ZP2: variants seen among roughly 807,000 people sequenced by gnomAD.
The protein encoded by ZP2 is zona pellucida sperm-binding protein 2.
Under a neutral mutation model 84.0 loss-of-function variants are expected in ZP2, and 51 were observed. That is an observed-to-expected ratio of 0.61 (90% CI 0.49 to 0.77). ZP2 has a LOEUF of 0.77. Ranked by LOEUF, ZP2 falls within the 30% of genes least tolerant of loss-of-function variation. The pLI is 0.00. For synonymous variants in ZP2, 375 were observed against 330.9 expected, an observed-to-expected ratio of 1.13 and a Z score of -1.45; for missense variants, 909 against 911.9, an observed-to-expected ratio of 1.00 and a Z score of 0.04.
chr16:21,197,969 T>C (rs890358290), intron 17 of ZP2, 120 bp from the exon 18 acceptor site: 2 of 912,924 alleles, frequency 2.2e-6, no homozygotes, highest in Admixed American at 3.8e-5. Flanking sequence ...GGGTATGTGT[T>C]AACAGGCACA....
intron 1 of ZP2, 27 bp downstream of exon 1, chr16:21,211,459 C>A (rs575632349): frequency 5.0e-6 from 8 of 1,613,998 alleles, no homozygotes; most frequent in Admixed American, 1.7e-5. Flanking sequence ...TACCATACCC[C>A]CTCCCTCCAC....
At chr16:21,211,197 G>A (rs941919719) in intron 2 of ZP2, 110 bp downstream of exon 2, 15 of 886,076 alleles carry the variant, frequency 1.7e-5, no homozygotes, top group African/African-American at 1.7e-4. Context: ...GGTAATAAAG[G>A]GGGTGAATGG....
At position 21,201,452 on chromosome 16, in the gene ZP2, G is replaced by A. The variant is rs2093224762; in HGVS notation, c.1611C>T (p.Asn537=). Residue 537 remains asparagine, a synonymous_variant, in exon 14 of 19, where the codon AAC becomes AAT. Coordinates refer to ENST00000574091, the MANE Select transcript of ZP2 (RefSeq NM_001376232.1). ...EVRVLNRDDP[N]IKLVLDDCWA... is the part of the protein sequence containing the mutation. ...AGCAGTCATCTAAGACCAGCTTGAT[G>A]TTGGGGTCATCCCTGTTTAGGACTC... 6.2e-7 allele frequency: 1 copy of A among 1,613,702 alleles called. No individual in the cohort carries two copies. The highest frequency in any genetic ancestry group is 1.1e-5 in the South Asian group (1 of 90,926).
At position 21,206,355 on chromosome 16, in the gene ZP2, G is replaced by A. The variant is rs557017355; in HGVS notation, c.483+483C>T. On this transcript the variant is annotated intron_variant, in intron 5 of 18. Transcript: ENST00000574091. Reference sequence around the variant, plus strand: ...AATGTCCATAGAAATCAGGTACTATGTAAAAGCCATGCAGTTCTATCATTG... The same window carrying A: ...AATGTCCATAGAAATCAGGTACTATATAAAAGCCATGCAGTTCTATCATTG... Among the ~76,000 whole-genome samples, 4 of 152,278 alleles carry A rather than the reference G, an allele frequency of 2.6e-5. No homozygotes were observed. The East Asian group carries it at 5.8e-4, about 22-fold the overall frequency.
intron 17 of ZP2, 143 bp downstream of exon 17, chr16:21,198,636 C>T: frequency 1.5e-6 from 1 of 649,720 alleles, no homozygotes; most frequent in Non-Finnish European, 2.6e-6. Context: ...TTAATAGAAG[C>T]CTACTTCTGG....
chr16:21,198,480 C>A (rs1323376641), intron 17 of ZP2, among the ~76,000 whole-genome samples: 1 of 152,142 alleles, frequency 6.6e-6, no homozygotes, highest in Non-Finnish European at 1.5e-5. Context: ...AGGATCATGA[C>A]TAAGGTAGAG....
Position 21,205,471 on chromosome 16 carries a change from G to T in ZP2, c.642C>A (p.His214Gln). The T allele has an allele frequency of 6.2e-7, 1 of 1,614,106 alleles. No individual in the cohort carries two copies. ...KEGFSLLIDN[H>Q]RMTFHVPFNA... ...TGAATGGCACATGGAAGGTCATCCT[G>T]TGGTTGTCAATCAAGAGGCTGAAGC... The change falls in exon 7 of 19, where the codon CAC becomes CAA. Residue 214 changes from histidine to glutamine, a missense_variant. Physicochemically the swap from His to Gln is conservative, Grantham distance 24. Transcript: ENST00000574091.
In ZP2 at chr16:21,206,961, G is replaced by A. The variant is rs969695819; in HGVS notation, c.360C>T (p.Val120=). Residue 120 remains valine (V), a synonymous_variant, in exon 5 of 19, where the codon GTC becomes GTT. Transcript: ENST00000574091. Reference sequence around the variant, plus strand: ...GTCTTAAGGCAGCACTGTTGTTCATGACTCTGATGGTCATCTGGTGTCCAC... The same window carrying A: ...GTCTTAAGGCAGCACTGTTGTTCATAACTCTGATGGTCATCTGGTGTCCAC... The part of the protein sequence containing the change: ...VHGGHQMTIR[V]MNNSAALRHG... 6.2e-7 allele frequency: 1 copy of A among 1,614,010 alleles called. No individual in the cohort carries two copies. The highest frequency in any genetic ancestry group is 1.3e-5 in the African/African-American group (1 of 74,922).
upstream of ZP2, among the ~76,000 whole-genome samples, chr16:21,213,531 G>T (rs1369169413): frequency 6.6e-6 from 1 of 152,126 alleles, no homozygotes; most frequent in Non-Finnish European, 1.5e-5. Flanking sequence ...AGATTCCAGG[G>T]TCCCACCCAA....
Position 21,201,349 on chromosome 16 carries a change from ATAG to A in ZP2, c.1694+17_1694+19del. The A allele has an allele frequency of 6.6e-7, 1 of 1,520,346 alleles. No individual in the cohort carries two copies. 94.2% of individuals were successfully genotyped at this position (1,520,346 alleles called of 1,614,324 possible). A position where few individuals can be genotyped will look rare whatever the true frequency, so the allele number is the denominator to read the frequency against. On this transcript the variant is annotated intron_variant, in intron 14 of 18. Coordinates refer to ENST00000574091, the MANE Select transcript of ZP2 (RefSeq NM_001376232.1). ...TTTGATGGATTAGCTGGGTAACCTG[ATAG>A]TACAGGGAGTACCTACCCATCCACG...
intron 7 of ZP2, 43 bp from the exon 8 acceptor site, chr16:21,204,447 T>G: frequency 2.6e-6 from 4 of 1,520,420 alleles, no homozygotes; most frequent in Non-Finnish European, 3.6e-6. Context: ...CATTGGTTAC[T>G]TGAATCTCTA....
Position 21,207,368 on chromosome 16 carries a change from C to T in ZP2, c.331-378G>A, listed in dbSNP as rs117318769. Among the ~76,000 whole-genome samples, 330 of 152,238 alleles carry T rather than the reference C, an allele frequency of 2.2e-3. 9 individuals are homozygous for T. The East Asian group carries it at 0.056, about 26-fold the overall frequency. ...GAGCTACCCTTGCTATTACCCCTGA[C>T]CTTAGGAAACTCAGTCTAAAAGCAG... On this transcript the variant is annotated intron_variant, in intron 4 of 18. Transcript: ENST00000574091.
At chr16:21,197,910 C>A (rs1597581180) in intron 17 of ZP2, 61 bp from the exon 18 acceptor site, 1 of 1,535,118 alleles carries the variant, frequency 6.5e-7, no homozygotes, top group East Asian at 2.2e-5. Flanking sequence ...GTTAGCTGTC[C>A]CCTGAGGGTG....
Position 21,211,496 on chromosome 16 carries a change from C to A in ZP2, c.52G>T (p.Ala18Ser). 6.2e-7 allele frequency: 1 copy of A among 1,614,192 alleles called. No individual in the cohort carries two copies. Among genetic ancestry groups the A allele is most frequent in the Non-Finnish European group, 8.5e-7 (1 of 1,180,016 alleles). The change falls in exon 1 of 19, where the codon GCA becomes TCA. Residue 18 changes from alanine to serine, a missense_variant. Ala to Ser is a moderately conservative substitution (Grantham distance 99). Coordinates refer to ENST00000574091, the MANE Select transcript of ZP2 (RefSeq NM_001376232.1). Reference protein sequence around the residue: ...GSWSPSGWFNAGWSTYRSISL... With the variant: ...GSWSPSGWFNSGWSTYRSISL... ...TCCAGAATTACTCACCTCCAGCCTG[C>A]ATTGAACCAGCCTGAGGGACTCCAA...
rs750043129 is a variant in ZP2, at chr16:21,203,166, A to G, written c.1058T>C (p.Val353Ala). Residue 353 changes from valine (V) to alanine (A), a missense_variant, in exon 10 of 19, where the codon GTG becomes GCG. Val to Ala is a moderately conservative substitution (Grantham distance 64). Coordinates refer to ENST00000574091, the MANE Select transcript of ZP2 (RefSeq NM_001376232.1). ...FLLRPETVSM[V>A]IYPECLCESP... ...CTCACAGAGACACTCAGGATAGATC[A>G]CCATGGATACTGTCTCTGGCCGAAG... 6.2e-7 allele frequency: 1 copy of G among 1,613,992 alleles called. No individual in the cohort carries two copies. Among genetic ancestry groups the G allele is most frequent in the East Asian group, 2.2e-5 (1 of 44,872 alleles).
intron 12 of ZP2, 33 bp downstream of exon 12, chr16:21,201,899 G>A (rs1202086584): frequency 1.2e-6 from 2 of 1,612,654 alleles, no homozygotes; most frequent in Admixed American, 3.3e-5. Flanking sequence ...GTTTAAACTA[G>A]AGCTTAAGAG....
At chr16:21,213,627 A>G (rs1447020265), upstream of ZP2, among the ~76,000 whole-genome samples, 1 of 152,202 alleles carries the variant, frequency 6.6e-6, no homozygotes, top group East Asian at 1.9e-4. Flanking sequence ...AATCAGGAAA[A>G]CCTGGAAAAT....
In ZP2 at chr16:21,199,781, A is replaced by G. The variant is rs1427760246; in HGVS notation, c.1792T>C (p.Phe598Leu). The change falls in exon 15 of 19, where the codon TTT becomes CTT. Residue 598 changes from phenylalanine to leucine, a missense_variant. By Grantham distance (22) the Phe-to-Leu change is conservative (BLOSUM62 0). Transcript: ENST00000574091. ...DHYQRFDMKAFAFVSEAHVLS... is the reference protein window; with the variant it reads ...DHYQRFDMKALAFVSEAHVLS... Reference sequence around the variant, plus strand: ...ACGTGGGCTTCTGATACAAAGGCAAAAGCCTTCATGTCAAACCTCTGATAG... The same window carrying G: ...ACGTGGGCTTCTGATACAAAGGCAAGAGCCTTCATGTCAAACCTCTGATAG... 3.1e-6 allele frequency: 5 copies of G among 1,614,152 alleles called. No individual in the cohort carries two copies. Among genetic ancestry groups the G allele is most frequent in the African/African-American group, 1.3e-5 (1 of 75,044 alleles).
At chr16:21,209,564 A>G (rs1370763859) in intron 4 of ZP2, 67 bp downstream of exon 4, 2 of 1,478,624 alleles carry the variant, frequency 1.4e-6, no homozygotes, top group East Asian at 4.5e-5. Flanking sequence ...TTCTTAGCCA[A>G]GTTTACTGCC....
Sources: gnomAD v4.1 joint callset for allele counts (sites outside exome capture counted in the v4.1 genomes callset) on GRCh38, gnomAD v4.1.1 for gene constraint, MANE v1.5 for transcripts, NCBI Gene and HGNC (gene_info 2026-07-23, HGNC 2026-07-21) for gene names.